The following PLA2G4A variants were observed in gnomAD, a reference collection of about 807,000 sequenced individuals.
PLA2G4A encodes the protein phospholipase A2 group IVA, also known as cytosolic phospholipase A2.
A neutral mutation model predicts 81.9 loss-of-function variants in PLA2G4A; 40 were observed. That is an observed-to-expected ratio of 0.49 (90% CI 0.38 to 0.64). The LOEUF (loss-of-function observed/expected upper bound fraction) is 0.64. Among genes scored for constraint, PLA2G4A ranks in the 30% least tolerant of loss-of-function variants. PLA2G4A has a pLI of 0.00. For synonymous variants in PLA2G4A, 302 were observed against 296.9 expected, an observed-to-expected ratio of 1.02 and a Z score of -0.18; for missense variants, 715 against 905.1, an observed-to-expected ratio of 0.79 and a Z score of 2.69.
intron 3 of PLA2G4A, among the ~76,000 whole-genome samples, chr1:186,873,420 C>T (rs1237751390): frequency 6.6e-6 from 1 of 152,088 alleles, no homozygotes; most frequent in East Asian, 1.9e-4. Context: ...ATTCTACATC[C>T]TCTTCTGTTG....
intron 3 of PLA2G4A, 107 bp downstream of exon 3, chr1:186,870,623 A>T (rs949287517): frequency 8.5e-7 from 1 of 1,169,974 alleles, no homozygotes; most frequent in Admixed American, 1.9e-5. Context: ...AAATGTGGTT[A>T]TGTTTGTCTA....
intron 16 of PLA2G4A, among the ~76,000 whole-genome samples, chr1:186,979,057 G>C (rs1218958321): frequency 2.0e-5 from 3 of 152,202 alleles, no homozygotes; most frequent in Non-Finnish European, 4.4e-5. Context: ...TTTCCAGCCT[G>C]CTGTGAGTGG....
intron 3 of PLA2G4A, among the ~76,000 whole-genome samples, chr1:186,884,623 T>G (rs370361781): frequency 6.6e-6 from 1 of 152,108 alleles, no homozygotes; most frequent in Non-Finnish European, 1.5e-5. Flanking sequence ...ATGCCTATAA[T>G]CCCAGCATTT....
At chr1:186,955,543 G>A (rs1656714071) in intron 13 of PLA2G4A, among the ~76,000 whole-genome samples, 1 of 152,038 alleles carries the variant, frequency 6.6e-6, no homozygotes, top group African/African-American at 2.4e-5. Flanking sequence ...AATTTACCTG[G>A]AAATCTGAGC....
chr1:186,898,765 C>T (rs1654436787), intron 5 of PLA2G4A, among the ~76,000 whole-genome samples: 1 of 152,156 alleles, frequency 6.6e-6, no homozygotes, highest in Non-Finnish European at 1.5e-5. Flanking sequence ...TTTTCTGATA[C>T]ATTTAAAAGC....
At chr1:186,894,287 A>T in intron 5 of PLA2G4A, 76 bp downstream of exon 5, 1 of 747,430 alleles carries the variant, frequency 1.3e-6, no homozygotes, top group Non-Finnish European at 2.5e-6. Flanking sequence ...TGGGTTTAAC[A>T]CTTGGAAAAT....
At chr1:186,890,977 G>A (rs986517419) in intron 3 of PLA2G4A, among the ~76,000 whole-genome samples, 1 of 151,808 alleles carries the variant, frequency 6.6e-6, no homozygotes, top group Non-Finnish European at 1.5e-5. Flanking sequence ...AAGTTGTTCA[G>A]TGTACAACCT....
At chr1:186,984,183 G>A (rs1657818380) in intron 17 of PLA2G4A, among the ~76,000 whole-genome samples, 2 of 152,064 alleles carry the variant, frequency 1.3e-5, no homozygotes, top group East Asian at 1.9e-4. Flanking sequence ...CAAGTGTCAG[G>A]ATACAAGGTG....
At chr1:186,895,756 T>G (rs1654313168) in intron 5 of PLA2G4A, among the ~76,000 whole-genome samples, 1 of 152,194 alleles carries the variant, frequency 6.6e-6, no homozygotes, top group South Asian at 2.1e-4. Context: ...CAGTAGCTGA[T>G]TTTGAACAAG....
intron 7 of PLA2G4A, among the ~76,000 whole-genome samples, chr1:186,912,741 CATATATATGT>C (rs1019328388): frequency 7.1e-6 from 1 of 140,316 alleles, no homozygotes; most frequent in African/African-American, 2.7e-5. Flanking sequence ...CATATATATA[CATATATATGT>C]ATATATATAC....
chr1:186,911,579 G>A (rs1299023494), intron 7 of PLA2G4A, among the ~76,000 whole-genome samples, 190 bp downstream of exon 7: 2 of 152,070 alleles, frequency 1.3e-5, no homozygotes, highest in East Asian at 3.9e-4. Flanking sequence ...GCCCTAGCTG[G>A]TAATATTTAT....
intron 5 of PLA2G4A, among the ~76,000 whole-genome samples, chr1:186,894,464 A>G (rs2102116091): frequency 1.3e-5 from 2 of 152,322 alleles, no homozygotes; most frequent in South Asian, 4.1e-4. Context: ...CCAAATGATG[A>G]CATTGGGATT....
At chr1:186,988,233 T>A (rs1657952857) in intron 17 of PLA2G4A, 144 bp from the exon 18 acceptor site, 1 of 569,232 alleles carries the variant, frequency 1.8e-6, no homozygotes, top group Non-Finnish European at 3.1e-6. Context: ...AATTTAAATG[T>A]GTATGCATGA....
chr1:186,950,801 C>G, intron 13 of PLA2G4A, 73 bp downstream of exon 13: 3 of 815,076 alleles, frequency 3.7e-6, no homozygotes, highest in Non-Finnish European at 6.5e-6. Flanking sequence ...GATTTTCTCA[C>G]TCAAGATGCT....
intron 7 of PLA2G4A, among the ~76,000 whole-genome samples, chr1:186,919,771 C>T (rs1385878920): frequency 6.6e-6 from 1 of 152,152 alleles, no homozygotes; most frequent in African/African-American, 2.4e-5. Flanking sequence ...AGCAGCAGCC[C>T]TAACAATGTG....
intron 1 of PLA2G4A, among the ~76,000 whole-genome samples, chr1:186,839,064 T>TG (rs1553267445): frequency 3.9e-4 from 59 of 152,024 alleles, no homozygotes; most frequent in African/African-American, 1.0e-3. Flanking sequence ...TCCTCAAAGT[T>TG]AAAAAAACAT....
intron 13 of PLA2G4A, among the ~76,000 whole-genome samples, chr1:186,952,943 T>C (rs1014038894): frequency 6.6e-6 from 1 of 152,182 alleles, no homozygotes; most frequent in Non-Finnish European, 1.5e-5. Flanking sequence ...AGTTATTCAT[T>C]CACCTGCTGA....
chr1:186,860,848 G>C (rs908872705), intron 2 of PLA2G4A, among the ~76,000 whole-genome samples: 4 of 152,020 alleles, frequency 2.6e-5, no homozygotes, highest in African/African-American at 7.2e-5. Flanking sequence ...TTTCTTTTTG[G>C]TTCTTTTTAA....
chr1:186,889,884 A>G (rs1654073820), intron 3 of PLA2G4A, among the ~76,000 whole-genome samples: 1 of 151,768 alleles, frequency 6.6e-6, no homozygotes, highest in Non-Finnish European at 1.5e-5. Flanking sequence ...CTGTAATCTA[A>G]TTTTTGTTAC....
Sources: gnomAD v4.1 joint callset for allele counts (sites outside exome capture counted in the v4.1 genomes callset) on GRCh38, gnomAD v4.1.1 for gene constraint, MANE v1.5 for transcripts, NCBI Gene and HGNC (gene_info 2026-07-23, HGNC 2026-07-21) for gene names.